EGF: variants seen among roughly 807,000 people sequenced by gnomAD.
The protein encoded by EGF is epidermal growth factor, also known as pro-epidermal growth factor.
EGF carries 95 observed loss-of-function variants against 143.8 expected under a neutral mutation model. That is an observed-to-expected ratio of 0.66 (90% CI 0.56 to 0.78). The LOEUF (loss-of-function observed/expected upper bound fraction) is 0.78. Among genes scored for constraint, EGF ranks in the 30% least tolerant of loss-of-function variants. The pLI, the probability that EGF is intolerant of heterozygous loss-of-function variation, is 0.00. For synonymous variants in EGF, 510 were observed against 510.5 expected (o/e 1.00, Z 0.01); for missense variants, 1,320 against 1,470.9 (o/e 0.90, Z 1.68).
At position 109,932,600 on chromosome 4, in the gene EGF, G is replaced by A. The variant is rs186324211; in HGVS notation, c.128-8346G>A. ...TCACCGTGTTAGCCAGGAAGGTCTCGATCTCCTGACCTCATGATCCGCCTG... is the reference window on the plus strand; with the variant it reads ...TCACCGTGTTAGCCAGGAAGGTCTCAATCTCCTGACCTCATGATCCGCCTG... On this transcript the variant is annotated intron_variant, in intron 1 of 23. Transcript: ENST00000265171. Among the ~76,000 whole-genome samples, 58 of 151,408 alleles carry A rather than the reference G, an allele frequency of 3.8e-4. 1 individual carries two copies. Among genetic ancestry groups the A allele is most frequent in the African/African-American group, 8.7e-4 (36 of 41,318 alleles).
chr4:109,999,598 G>A lies in EGF; in HGVS notation c.3006-81G>A. On this transcript the variant is annotated intron_variant, in intron 20 of 23. Transcript: ENST00000265171. ...GAGTCTGGAAATGCAGAGGTTGAGAGACAGCTGAATACTGAGTGTCAAAAC... is the reference window on the plus strand; with the variant it reads ...GAGTCTGGAAATGCAGAGGTTGAGAAACAGCTGAATACTGAGTGTCAAAAC... 4 of 1,566,626 alleles carry A rather than the reference G, an allele frequency of 2.6e-6. No homozygotes were observed. In the Admixed American group the frequency reaches 6.7e-5, roughly 26 times the overall value.
In EGF at chr4:109,913,249, T is replaced by A; in HGVS notation, c.-87T>A. ...TGAGGCCTCCGCTCAGGCAGCCGCA[T>A]CTGGGGTCAATCATACTCACCTTGC... On this transcript the variant is annotated 5_prime_UTR_variant, in exon 1 of 24. Transcript: ENST00000265171. The A allele has an allele frequency of 1.9e-6, 3 of 1,568,766 alleles. No homozygotes were observed. Among genetic ancestry groups the A allele is most frequent in the Non-Finnish European group, 2.6e-6 (3 of 1,144,468 alleles).
intron 1 of EGF, among the ~76,000 whole-genome samples, chr4:109,926,504 G>A (rs1180684546): frequency 6.6e-6 from 1 of 151,900 alleles, no homozygotes; most frequent in Non-Finnish European, 1.5e-5. Flanking sequence ...ACAGGCGCCC[G>A]CCACCACACC....
Position 109,943,311 on chromosome 4 carries a change from G to GAAGTTATTT in EGF, c.386_394dup (p.Ile131_Trp132insTer). The GAAGTTATTT allele has an allele frequency of 6.2e-7, 1 of 1,610,270 alleles. No individual in the cohort carries two copies. Among genetic ancestry groups the GAAGTTATTT allele is most frequent in the Non-Finnish European group, 8.5e-7 (1 of 1,178,014 alleles). ...AATGGCAATAAATTGGATAAATGAA[G>GAAGTTATTT]AAGTTATTTGGTCAAATCAACAGGA... On this transcript the variant is annotated stop_gained and inframe_insertion, in exon 3 of 24. Coordinates refer to ENST00000265171, the MANE Select transcript of EGF (RefSeq NM_001963.6). LOFTEE classifies it high-confidence loss of function.
Position 110,012,289 on chromosome 4 carries a change from A to G in EGF, c.*834A>G, listed in dbSNP as rs1754059761. The G allele has an allele frequency of 6.6e-6, 1 of 152,188 alleles. No homozygotes were observed. The highest frequency in any genetic ancestry group is 2.1e-4 in the South Asian group (1 of 4,832). 9.4% of individuals were successfully genotyped at this position (152,188 alleles called of 1,614,324 possible). ...AAACATTTTATTGTATGCCTGATTAAGTAGTTAATTATAGTCTAAGGCAGT... is the reference window on the plus strand; with the variant it reads ...AAACATTTTATTGTATGCCTGATTAGGTAGTTAATTATAGTCTAAGGCAGT... On this transcript the variant is annotated 3_prime_UTR_variant, in exon 24 of 24. Transcript: ENST00000265171.
intron 5 of EGF, among the ~76,000 whole-genome samples, chr4:109,953,359 C>T (rs1419461690): frequency 6.6e-6 from 1 of 152,180 alleles, no homozygotes; most frequent in Non-Finnish European, 1.5e-5. Flanking sequence ...AGGCTCAAAG[C>T]AATGACATTC....
At chr4:109,993,135 A>T in intron 18 of EGF, 112 bp from the exon 19 acceptor site, 1 of 1,357,130 alleles carries the variant, frequency 7.4e-7, no homozygotes, top group Non-Finnish European at 1.0e-6. Flanking sequence ...GTCTCTGAGA[A>T]CATATAGCAT....
intron 1 of EGF, among the ~76,000 whole-genome samples, chr4:109,937,473 G>A (rs1185223732): frequency 1.3e-5 from 2 of 151,656 alleles, no homozygotes; most frequent in South Asian, 4.2e-4. Flanking sequence ...GCACACTGAT[G>A]GTCTTGACTC....
chr4:109,966,306 G>C (rs1746574196), intron 10 of EGF, among the ~76,000 whole-genome samples: 1 of 151,876 alleles, frequency 6.6e-6, no homozygotes, highest in Non-Finnish European at 1.5e-5. Context: ...TGCAATTTTT[G>C]ATTTTCTATT....
intron 5 of EGF, 161 bp from the exon 6 acceptor site, chr4:109,959,151 C>A: frequency 9.0e-7 from 1 of 1,112,066 alleles, no homozygotes; most frequent in Admixed American, 2.3e-5. Context: ...AAGTGGGCTT[C>A]GGGATGCTGG....
chr4:109,974,080 A>G (rs1466007419), intron 11 of EGF, among the ~76,000 whole-genome samples: 1 of 152,250 alleles, frequency 6.6e-6, no homozygotes, highest in African/African-American at 2.4e-5. Context: ...TTTACATTAC[A>G]TGAGGTATAA....
At chr4:109,984,730 G>T (rs1391161977) in intron 16 of EGF, among the ~76,000 whole-genome samples, 1 of 152,186 alleles carries the variant, frequency 6.6e-6, no homozygotes, top group Non-Finnish European at 1.5e-5. Flanking sequence ...TTACAAATCA[G>T]TTCACAGATA....
chr4:109,940,207 GC>G (rs1741676651), intron 1 of EGF, among the ~76,000 whole-genome samples: 1 of 152,110 alleles, frequency 6.6e-6, no homozygotes, highest in Non-Finnish European at 1.5e-5. Context: ...ACCAAGCAAG[GC>G]CCTACAGGCA....
rs139711858 is a variant in EGF, at chr4:109,945,201, T to G, written c.866T>G (p.Phe289Cys). The change falls in exon 5 of 24, where the codon TTT becomes TGT. Residue 289 changes from phenylalanine to cysteine, a missense_variant. Physicochemically the swap from Phe to Cys is radical, Grantham distance 205 (BLOSUM62 -2). Transcript: ENST00000265171. Reference sequence around the variant, plus strand: ...GTTAGAATTAACCTCCATTCATCATTTGTACCACTTGGTGAACTGAAAGTA... The same window carrying G: ...GTTAGAATTAACCTCCATTCATCATGTGTACCACTTGGTGAACTGAAAGTA... The part of the protein sequence containing the change: ...DMVRINLHSS[F>C]VPLGELKVVH... 1 of 1,614,072 alleles carries G rather than the reference T, an allele frequency of 6.2e-7. No individual in the cohort carries two copies. The highest frequency in any genetic ancestry group is 1.3e-5 in the African/African-American group (1 of 75,004).
Position 109,988,623 on chromosome 4 carries a change from C to T in EGF, c.2648C>T (p.Pro883Leu). The change falls in exon 18 of 24, where the codon CCT becomes CTT. Residue 883 changes from proline (P) to leucine (L), a missense_variant. Physicochemically the swap from Pro to Leu is moderately conservative, Grantham distance 98. This residue lies in a region of EGF where 1,186 missense variants were observed against 1,313.7 expected (regional missense o/e 0.90). Transcript: ENST00000265171. ...GAGATGGGTGTCCCAGTGTGCCCCC[C>T]TGCCTCCTCCAAGTGCATCAACACC... ...ECEMGVPVCP[P>L]ASSKCINTEG... 1.2e-6 allele frequency: 2 copies of T among 1,614,106 alleles called. No homozygotes were observed. The highest frequency in any genetic ancestry group is 1.7e-6 in the Non-Finnish European group (2 of 1,179,950).
At chr4:109,965,661 T>A (rs1746437193) in intron 10 of EGF, among the ~76,000 whole-genome samples, 1 of 152,118 alleles carries the variant, frequency 6.6e-6, no homozygotes, top group African/African-American at 2.4e-5. Flanking sequence ...GTTAATTTTC[T>A]TATTTTCTTG....
At chr4:109,991,661 T>A (rs1578365600) in intron 18 of EGF, among the ~76,000 whole-genome samples, 1 of 152,240 alleles carries the variant, frequency 6.6e-6, no homozygotes, top group Non-Finnish European at 1.5e-5. Flanking sequence ...TTTATTCTTA[T>A]ATAAAAAGCA....
At chr4:109,917,573 T>C (rs981761364) in intron 1 of EGF, among the ~76,000 whole-genome samples, 1 of 152,136 alleles carries the variant, frequency 6.6e-6, no homozygotes, top group African/African-American at 2.4e-5. Context: ...TATTGTGTGA[T>C]GGTGAGGTTT....
At chr4:109,949,618 CTTT>C (rs773134299) in intron 5 of EGF, among the ~76,000 whole-genome samples, 3 of 140,956 alleles carry the variant, frequency 2.1e-5, no homozygotes, top group Non-Finnish European at 3.1e-5. Flanking sequence ...GTTCAGACCT[CTTT>C]TTTTTTTTTT....
Sources: gnomAD v4.1 joint callset for allele counts (sites outside exome capture counted in the v4.1 genomes callset) on GRCh38, gnomAD v4.1.1 for gene constraint, gnomAD v4.1.1 regional missense constraint, MANE v1.5 for transcripts, NCBI Gene and HGNC (gene_info 2026-07-23, HGNC 2026-07-21) for gene names.